Variants in CDC16 observed in about 807,000 individuals in gnomAD.
CDC16 encodes cell division cycle protein 16 homolog.
CDC16 carries 34 observed loss-of-function variants against 87.0 expected under a neutral mutation model. That is an observed-to-expected ratio of 0.39 (90% CI 0.30 to 0.52). CDC16 has a LOEUF of 0.52. CDC16 is among the 20% of genes least tolerant of loss of function. The probability of loss-of-function intolerance (pLI) is 0.74; values close to 1 mark genes in which losing one functional copy is unlikely to be tolerated. For missense variants in CDC16, 653 were observed against 751.9 expected (o/e 0.87, Z 1.54); for synonymous variants, 263 against 260.6 (o/e 1.01, Z -0.09).
rs1361843882 is a variant in CDC16 at position 114,261,769 on chromosome 13, GCTGGCGGCACACA to G, written c.1315-113_1315-101del. 7.7e-5 allele frequency: 48 copies of G among 623,888 alleles called. No individual in the cohort carries two copies. In the South Asian group the frequency reaches 1.0e-3, roughly 14 times the overall value. 38.6% of individuals were successfully genotyped at this position (623,888 alleles called of 1,614,324 possible). A position where few individuals can be genotyped will look rare whatever the true frequency, so the allele number is the denominator to read the frequency against. On this transcript the variant is annotated intron_variant, in intron 14 of 17. Transcript: ENST00000356221. ...AGCAGTTACCCTGGCCTTGTGGTGTGCTGGCGGCACACACTGGGAGAGAGCCCAGCTTGCAAGG... is the reference window on the plus strand; with the variant it reads ...AGCAGTTACCCTGGCCTTGTGGTGTGCTGGGAGAGAGCCCAGCTTGCAAGG...
intron 1 of CDC16, 83 bp downstream of exon 1, chr13:114,235,215 C>T (rs958145918): frequency 1.4e-5 from 14 of 986,572 alleles, no homozygotes; most frequent in Admixed American, 8.6e-5. Context: ...TGACTGTTGT[C>T]GGGGCTCTTG....
intron 1 of CDC16, among the ~76,000 whole-genome samples, chr13:114,235,628 A>G (rs1251446075): frequency 6.6e-5 from 10 of 152,138 alleles, no homozygotes; most frequent in Admixed American, 5.2e-4. Context: ...AATAGCAGAG[A>G]GCGTTTAAGG....
intron 7 of CDC16, 46 bp from the exon 8 acceptor site, chr13:114,243,810 T>G (rs765654858): frequency 6.6e-7 from 1 of 1,520,144 alleles, no homozygotes; most frequent in Non-Finnish European, 9.0e-7. Context: ...ACATTTTATT[T>G]TGTTTTTGCT....
At chr13:114,235,166 G>T in intron 1 of CDC16, 34 bp downstream of exon 1, 2 of 1,229,984 alleles carry the variant, frequency 1.6e-6, no homozygotes, top group Non-Finnish European at 2.0e-6. Flanking sequence ...CGGGGCCCAG[G>T]CCTCGCCGGG....
At chr13:114,252,679 T>C (rs1192925638) in intron 12 of CDC16, among the ~76,000 whole-genome samples, 2 of 152,204 alleles carry the variant, frequency 1.3e-5, no homozygotes, top group Admixed American at 6.5e-5. Context: ...TATGAGTTGG[T>C]TTTTATGAGC....
intron 12 of CDC16, among the ~76,000 whole-genome samples, chr13:114,252,599 A>G (rs2082256921): frequency 6.6e-6 from 1 of 152,144 alleles, no homozygotes; most frequent in South Asian, 2.1e-4. Context: ...GCTCAGCTCC[A>G]GTATCTGCAT....
chr13:114,265,141 T>C lies in CDC16; in HGVS notation c.1513-9T>C, dbSNP rs1401808116. On this transcript the variant is annotated splice_polypyrimidine_tract_variant and intron_variant, in intron 16 of 17. Transcript: ENST00000356221. The stretch of plus-strand genomic sequence containing the variant: ...TCTTTTAATAACCATGCTGAATCTT[T>C]TATGGCAGGCCCTTGGTCTTAGGCG... 2 of 1,584,372 alleles carry C rather than the reference T, an allele frequency of 1.3e-6. No individual in the cohort carries two copies. The highest frequency in any genetic ancestry group is 8.7e-7 in the Non-Finnish European group (1 of 1,153,054).
chr13:114,246,091 C>G, intron 10 of CDC16, 42 bp downstream of exon 10: 1 of 887,650 alleles, frequency 1.1e-6, no homozygotes, highest in Non-Finnish European at 1.7e-6. Flanking sequence ...TTTTTTTTAC[C>G]TGTACTTTAA....
rs758490380 is a variant in CDC16 at position 114,246,975 on chromosome 13, T to G, written c.942T>G (p.His314Gln). The G allele has an allele frequency of 2.0e-5, 33 of 1,613,126 alleles. No homozygotes were observed. Among genetic ancestry groups the G allele is most frequent in the Admixed American group, 1.7e-4 (10 of 60,000 alleles). The stretch of plus-strand genomic sequence containing the variant: ...GATGTTACTATCTCATGGTCGGTCA[T>G]AAAAATGAACATGCCAGAAGATATC... The part of the protein sequence containing the change: ...AVGCYYLMVG[H>Q]KNEHARRYLS... The change falls in exon 11 of 18, where the codon CAT (histidine) becomes CAG (glutamine). Residue 314 changes from histidine (H) to glutamine (Q), a missense_variant. Coordinates refer to ENST00000356221, the MANE Select transcript of CDC16 (RefSeq NM_001078645.3).
chr13:114,246,806 C>CT, intron 10 of CDC16, 125 bp from the exon 11 acceptor site: 1 of 683,304 alleles, frequency 1.5e-6, no homozygotes, highest in South Asian at 1.7e-5. Flanking sequence ...AGAGAAATGT[C>CT]TAACTTAACT....
intron 17 of CDC16, among the ~76,000 whole-genome samples, chr13:114,268,880 A>C (rs746624563): frequency 6.6e-6 from 1 of 152,220 alleles, no homozygotes; most frequent in Non-Finnish European, 1.5e-5. Context: ...AATGGCTGAA[A>C]GTACAGGATG....
Position 114,239,367 on chromosome 13 carries a change from C to T in CDC16, c.258C>T (p.His86=). The T allele has an allele frequency of 6.2e-7, 1 of 1,607,328 alleles. No homozygotes were observed. Among genetic ancestry groups the T allele is most frequent in the Non-Finnish European group, 8.5e-7 (1 of 1,174,700 alleles). The change falls in exon 5 of 18, where the codon CAC becomes CAT. Residue 86 remains histidine (H), a synonymous_variant. Coordinates refer to ENST00000356221, the MANE Select transcript of CDC16 (RefSeq NM_001078645.3). The part of the protein sequence containing the change: ...AARCHYAAKE[H]QQALDVLDME... Reference sequence around the variant, plus strand: ...CCACGTAGTATGCTGCAAAAGAGCACCAGCAGGCCCTTGATGTTCTTGACA... The same window carrying T: ...CCACGTAGTATGCTGCAAAAGAGCATCAGCAGGCCCTTGATGTTCTTGACA...
rs2083758172 is a variant in CDC16, at chr13:114,272,594, GCA to G, written c.*155_*156del. The stretch of plus-strand genomic sequence containing the variant: ...GAGACCCGCCTTAAGAGACTGGATC[GCA>G]CACCTTTGCAACAGATGTGTTCTGA... On this transcript the variant is annotated 3_prime_UTR_variant, in exon 18 of 18. Coordinates refer to ENST00000356221, the MANE Select transcript of CDC16 (RefSeq NM_001078645.3). 1 of 595,208 alleles carries G rather than the reference GCA, an allele frequency of 1.7e-6. No homozygotes were observed. The highest frequency in any genetic ancestry group is 2.8e-5 in the East Asian group (1 of 35,536). The allele number at this position is 595,208 out of a possible 1,614,324, so 36.9% of individuals were successfully genotyped here. A position where few individuals can be genotyped will look rare whatever the true frequency, so the allele number is the denominator to read the frequency against.
At chr13:114,245,055 A>G (rs902460973) in intron 9 of CDC16, 86 bp downstream of exon 9, 19 of 743,126 alleles carry the variant, frequency 2.6e-5, no homozygotes, top group Non-Finnish European at 3.6e-5. Flanking sequence ...GAAATTCTGG[A>G]TAGTTGAGAT....
chr13:114,267,664 C>T (rs748516775), intron 17 of CDC16, among the ~76,000 whole-genome samples: 1 of 151,588 alleles, frequency 6.6e-6, no homozygotes, highest in Non-Finnish European at 1.5e-5. Context: ...TTAAAGCAGT[C>T]ACTAAAATGT....
intron 13 of CDC16, 75 bp from the exon 14 acceptor site, chr13:114,259,260 G>A: frequency 1.0e-6 from 1 of 954,222 alleles, no homozygotes; most frequent in Non-Finnish European, 1.6e-6. Flanking sequence ...CTACTAGAAA[G>A]GTAATCAAAA....
In CDC16 at chr13:114,260,473, G is replaced by A. The variant is rs149676584; in HGVS notation, c.1314+1075G>A. On this transcript the variant is annotated intron_variant, in intron 14 of 17. Coordinates refer to ENST00000356221, the MANE Select transcript of CDC16 (RefSeq NM_001078645.3). Reference sequence around the variant, plus strand: ...CATCACCTAGAAGCCTGCTAGAAGTGCAGAATCTCAGACCAACTGAATCAA... The same window carrying A: ...CATCACCTAGAAGCCTGCTAGAAGTACAGAATCTCAGACCAACTGAATCAA... 9.8e-3 allele frequency among the ~76,000 whole-genome samples: 1,486 copies of A among 152,286 alleles called. 22 individuals carry two copies. The highest frequency in any genetic ancestry group is 0.034 in the African/African-American group (1,412 of 41,550).
At chr13:114,253,836 C>T (rs1013855600) in intron 12 of CDC16, among the ~76,000 whole-genome samples, 9 of 152,148 alleles carry the variant, frequency 5.9e-5, no homozygotes. Flanking sequence ...TTGAAGTCTT[C>T]TCTTTCCTCA....
In CDC16 at chr13:114,263,076, A is replaced by G. The variant is rs17338263; in HGVS notation, c.1512+62A>G. The G allele has an allele frequency of 7.7e-3, 11,215 of 1,448,802 alleles. 792 individuals are homozygous for G. The Admixed American group carries it at 0.14, about 18-fold the overall frequency. The allele number at this position is 1,448,802 out of a possible 1,614,324, so 89.7% of individuals were successfully genotyped here. ...TAACATTGACCACTTCCTTTTTTGA[A>G]AATATTTTTTCTAGGTAATATTGAC... is the stretch of plus-strand genomic sequence containing the variant. On this transcript the variant is annotated intron_variant, in intron 16 of 17. Transcript: ENST00000356221.
Sources: gnomAD v4.1 joint callset for allele counts (sites outside exome capture counted in the v4.1 genomes callset) on GRCh38, gnomAD v4.1.1 for gene constraint, MANE v1.5 for transcripts, NCBI Gene and HGNC (gene_info 2026-07-23, HGNC 2026-07-21) for gene names.